Variants in PTPN11 observed in about 807,000 individuals in gnomAD.
PTPN11 encodes the protein tyrosine-protein phosphatase non-receptor type 11.
A neutral mutation model predicts 78.8 loss-of-function variants in PTPN11; 6 were observed. The observed-to-expected ratio is 0.08, with a 90% CI of 0.04 to 0.15. PTPN11 has a LOEUF of 0.15. PTPN11 is among the 10% of genes least tolerant of loss of function. The pLI, the probability that PTPN11 is intolerant of heterozygous loss-of-function variation, is 1.00. For synonymous variants in PTPN11, 221 were observed against 263.5 expected, an observed-to-expected ratio of 0.84 and a Z score of 1.56; for missense variants, 386 against 744.8, an observed-to-expected ratio of 0.52 and a Z score of 5.61.
chr12:112,448,424 C>T (rs531065896), intron 2 of PTPN11, among the ~76,000 whole-genome samples: 1 of 152,026 alleles, frequency 6.6e-6, no homozygotes, highest in East Asian at 1.9e-4. Context: ...ACCATGTTGT[C>T]CAGGCTAATC....
At position 112,489,006 on chromosome 12, in the gene PTPN11, A is replaced by G. The variant is rs776980627; in HGVS notation, c.1448-18A>G. 1 of 1,610,818 alleles carries G rather than the reference A, an allele frequency of 6.2e-7. No homozygotes were observed. Among genetic ancestry groups the G allele is most frequent in the South Asian group, 1.1e-5 (1 of 91,004 alleles). On this transcript the variant is annotated intron_variant, in intron 12 of 15. Transcript: ENST00000351677. ...GCTCTGCAGTTTCTCTTTATTCTTC[A>G]TGATGTTTCCTTCGTAGGTGTTGAC...
intron 1 of PTPN11, among the ~76,000 whole-genome samples, chr12:112,438,044 G>GATGT (rs2037821519): frequency 6.6e-6 from 1 of 152,078 alleles, no homozygotes; most frequent in South Asian, 2.1e-4. Context: ...ACAGGACTCT[G>GATGT]ATGTACCTGA....
chr12:112,453,646 G>GTTTTTTTTTTTTTTTTGT (rs2038110580), intron 4 of PTPN11, among the ~76,000 whole-genome samples: 1 of 116,580 alleles, frequency 8.6e-6, no homozygotes, highest in African/African-American at 3.1e-5. Context: ...CAGATTTTCT[G>GTTTTTTTTTTTTTTTTGT]TTTTTTTTTT....
intron 5 of PTPN11, 132 bp downstream of exon 5, chr12:112,454,812 T>A (rs2038130491): frequency 1.7e-5 from 11 of 631,046 alleles, no homozygotes; most frequent in East Asian, 6.4e-5. Context: ...GCTTCAACTA[T>A]CAAATCTTTT....
intron 13 of PTPN11, among the ~76,000 whole-genome samples, chr12:112,497,891 G>A (rs1592860006): frequency 6.6e-6 from 1 of 152,122 alleles, no homozygotes; most frequent in South Asian, 2.1e-4. Context: ...GGTGGCTCAC[G>A]CCTGTAATCC....
rs546426750 is a variant in PTPN11 at position 112,422,514 on chromosome 12, C to T, written c.14+3389C>T. On this transcript the variant is annotated intron_variant, in intron 1 of 15. Coordinates refer to ENST00000351677, the MANE Select transcript of PTPN11 (RefSeq NM_002834.5). ...TTTTTGTTGCTCTGAAATCCATACG[C>T]GACGATGAGCTGAGAGGGGCAGAAA... Among the ~76,000 whole-genome samples, 7 of 152,236 alleles carry T rather than the reference C, an allele frequency of 4.6e-5. No individual in the cohort carries two copies. The South Asian group carries it at 6.2e-4, about 14-fold the overall frequency.
Position 112,440,252 on chromosome 12 carries a change from C to T in PTPN11, c.15-6024C>T, listed in dbSNP as rs111540920. Among the ~76,000 whole-genome samples the T allele has an allele frequency of 6.0e-4, 92 of 152,160 alleles. 1 individual carries two copies. Among genetic ancestry groups the T allele is most frequent in the Middle Eastern group, 3.4e-3 (1 of 294 alleles). ...ACATAAATTGAGGTTGACGTTTTCC[C>T]GGGTGAAATTCTATTCTGTCTCAAT... On this transcript the variant is annotated intron_variant, in intron 1 of 15. Coordinates refer to ENST00000351677, the MANE Select transcript of PTPN11 (RefSeq NM_002834.5).
intron 13 of PTPN11, among the ~76,000 whole-genome samples, chr12:112,497,139 T>A (rs1423182502): frequency 7.2e-6 from 1 of 139,656 alleles, no homozygotes; most frequent in Non-Finnish European, 1.5e-5. Context: ...GCCACTGCAC[T>A]CCAGTCTGGG....
intron 6 of PTPN11, among the ~76,000 whole-genome samples, chr12:112,465,304 G>A (rs1281937933): frequency 6.6e-6 from 1 of 151,890 alleles, no homozygotes; most frequent in Non-Finnish European, 1.5e-5. Context: ...TGTGGTGGTG[G>A]GTGCCTGTAA....
At chr12:112,424,990 G>A (rs1226947137) in intron 1 of PTPN11, among the ~76,000 whole-genome samples, 11 of 144,184 alleles carry the variant, frequency 7.6e-5, no homozygotes, top group African/African-American at 3.1e-4. Flanking sequence ...GTGTGTGTGT[G>A]TGTGTGTGTG....
intron 6 of PTPN11, among the ~76,000 whole-genome samples, chr12:112,458,285 A>G (rs1411273374): frequency 6.6e-6 from 1 of 152,220 alleles, no homozygotes; most frequent in Non-Finnish European, 1.5e-5. Context: ...ATCATAGCTC[A>G]CTGCAGCGTC....
chr12:112,451,322 C>CT (rs2038076310), intron 3 of PTPN11, among the ~76,000 whole-genome samples: 1 of 152,138 alleles, frequency 6.6e-6, no homozygotes, highest in Non-Finnish European at 1.5e-5. Flanking sequence ...CTAAATTTTA[C>CT]TGTTTTCAGT....
intron 14 of PTPN11, among the ~76,000 whole-genome samples, chr12:112,503,473 T>C (rs1309906966): frequency 6.6e-6 from 1 of 152,228 alleles, no homozygotes; most frequent in Non-Finnish European, 1.5e-5. Context: ...AGGTTTGTAT[T>C]AACATTTGCT....
At chr12:112,488,549 T>C in intron 12 of PTPN11, 39 bp downstream of exon 12, 1 of 1,554,258 alleles carries the variant, frequency 6.4e-7, no homozygotes, top group Non-Finnish European at 8.9e-7. Flanking sequence ...AGTTTCTGTT[T>C]TTAGTTTATG....
chr12:112,435,085 C>T (rs1044143779), intron 1 of PTPN11, among the ~76,000 whole-genome samples: 2 of 152,118 alleles, frequency 1.3e-5, no homozygotes, highest in South Asian at 2.1e-4. Context: ...GTGGCACAAT[C>T]GCAGCTCACT....
At chr12:112,453,027 G>C (rs1337160279) in intron 3 of PTPN11, among the ~76,000 whole-genome samples, 168 bp from the exon 4 acceptor site, 1 of 152,124 alleles carries the variant, frequency 6.6e-6, no homozygotes, top group Non-Finnish European at 1.5e-5. Context: ...TTTCCTGCCT[G>C]CATGGGATGC....
chr12:112,504,615 T>A lies in PTPN11; in HGVS notation c.1713-80T>A. ...TATCTGGTGCCCAAAGAATGTAGTA[T>A]GTGTTTTATAGATATCATGTAAGCT... is the stretch of plus-strand genomic sequence containing the variant. On this transcript the variant is annotated intron_variant, in intron 14 of 15. Transcript: ENST00000351677. The surrounding 1 kb of genome is among the most constrained non-coding windows in gnomAD (Gnocchi z 4.7). The A allele has an allele frequency of 9.7e-7, 1 of 1,029,922 alleles. No homozygotes were observed. The highest frequency in any genetic ancestry group is 1.4e-5 in the South Asian group (1 of 73,516). The allele number at this position is 1,029,922 out of a possible 1,614,324, so 63.8% of individuals were successfully genotyped here. A position where few individuals can be genotyped will look rare whatever the true frequency, so the allele number is the denominator to read the frequency against.
At chr12:112,486,403 C>A in intron 10 of PTPN11, 72 bp from the exon 11 acceptor site, 1 of 1,460,012 alleles carries the variant, frequency 6.8e-7, no homozygotes, top group Non-Finnish European at 9.6e-7. Flanking sequence ...TTTAGGAAAG[C>A]TTAGAACCGG....
intron 14 of PTPN11, among the ~76,000 whole-genome samples, chr12:112,503,593 T>G (rs1040344370): frequency 6.6e-6 from 1 of 152,188 alleles, no homozygotes. Context: ...CTGGGAAAAT[T>G]GATATTTTAA....
Sources: gnomAD v4.1 joint callset for allele counts (sites outside exome capture counted in the v4.1 genomes callset) on GRCh38, gnomAD v4.1.1 for gene constraint, Gnocchi (gnomAD v3.1) non-coding constraint, MANE v1.5 for transcripts, NCBI Gene and HGNC (gene_info 2026-07-23, HGNC 2026-07-21) for gene names.